USH1C: variants seen among roughly 807,000 people sequenced by gnomAD.
USH1C encodes the protein harmonin.
Under a neutral mutation model 119.3 loss-of-function variants are expected in USH1C, and 90 were observed. That is an observed-to-expected ratio of 0.75 (90% CI 0.64 to 0.90). USH1C has a LOEUF of 0.90. Ranked by LOEUF, USH1C falls within the 40% of genes least tolerant of loss-of-function variation. The pLI is 0.00. For missense variants in USH1C, 1,165 were observed against 1,167.7 expected (o/e 1.00, Z 0.03); for synonymous variants, 465 against 443.3 (o/e 1.05, Z -0.62).
At chr11:17,502,664 CT>C (rs1487918700) in intron 20 of USH1C, among the ~76,000 whole-genome samples, 1 of 152,214 alleles carries the variant, frequency 6.6e-6, no homozygotes, top group African/African-American at 2.4e-5. Flanking sequence ...GGGGACCTGG[CT>C]TGATGGGGGA....
At chr11:17,505,022 T>C (rs1388927887) in intron 19 of USH1C, among the ~76,000 whole-genome samples, 1 of 152,218 alleles carries the variant, frequency 6.6e-6, no homozygotes, top group Non-Finnish European at 1.5e-5. Context: ...GCCCTGACAT[T>C]TGGATAGAGT....
At chr11:17,534,369 G>T (rs1851141835) in intron 1 of USH1C, among the ~76,000 whole-genome samples, 2 of 152,216 alleles carry the variant, frequency 1.3e-5, no homozygotes, top group Non-Finnish European at 2.9e-5. Flanking sequence ...CCCAGCCCTT[G>T]GGATTTCTGG....
At chr11:17,500,775 G>A (rs948042885) in intron 23 of USH1C, among the ~76,000 whole-genome samples, 1 of 152,160 alleles carries the variant, frequency 6.6e-6, no homozygotes, top group Admixed American at 6.5e-5. Flanking sequence ...ACCATGCTGT[G>A]ACTTTCAGTA....
chr11:17,527,537 C>T (rs899344760), intron 4 of USH1C, among the ~76,000 whole-genome samples: 22 of 151,780 alleles, frequency 1.4e-4, no homozygotes, highest in African/African-American at 3.2e-4. Flanking sequence ...GCAGTCTTGT[C>T]GCCCCATTTT....
chr11:17,495,521 G>A, intron 26 of USH1C, 48 bp downstream of exon 26: 1 of 1,586,016 alleles, frequency 6.3e-7, no homozygotes, highest in Non-Finnish European at 8.7e-7. Flanking sequence ...GATGGCCACT[G>A]CAAGCAGCAG....
At chr11:17,509,251 T>C in intron 18 of USH1C, 105 bp downstream of exon 18, 2 of 1,436,038 alleles carry the variant, frequency 1.4e-6, no homozygotes, top group Non-Finnish European at 9.2e-7. Context: ...GGTGAGATGA[T>C]GTTTCTTTCT....
intron 1 of USH1C, among the ~76,000 whole-genome samples, chr11:17,538,511 T>G (rs925167426): frequency 1.3e-5 from 2 of 152,114 alleles, no homozygotes; most frequent in African/African-American, 2.4e-5. Flanking sequence ...CAGAACAAAT[T>G]AAATAATGCA....
intron 15 of USH1C, among the ~76,000 whole-genome samples, chr11:17,514,226 A>G (rs923923234): frequency 6.6e-6 from 1 of 152,094 alleles, no homozygotes; most frequent in African/African-American, 2.4e-5. Context: ...TATTATTATT[A>G]TTATTTTCTT....
At chr11:17,506,620 T>C (rs1849659994) in intron 18 of USH1C, among the ~76,000 whole-genome samples, 1 of 152,258 alleles carries the variant, frequency 6.6e-6, no homozygotes, top group Non-Finnish European at 1.5e-5. Flanking sequence ...GCCACGCTCC[T>C]CACACTGCCT....
Position 17,522,864 on chromosome 11 carries a change from C to G in USH1C, c.939G>C (p.Gln313His). The G allele has an allele frequency of 6.2e-7, 1 of 1,612,750 alleles. No individual in the cohort carries two copies. The highest frequency in any genetic ancestry group is 8.5e-7 in the Non-Finnish European group (1 of 1,179,638). ...GCTTCTGCATGAGAAGCTCCTGCCGCTGCAGCTCACGCTGCCGCGCCTCTG... is the reference window on the plus strand; with the variant it reads ...GCTTCTGCATGAGAAGCTCCTGCCGGTGCAGCTCACGCTGCCGCGCCTCTG... ...RLAEARQREL[Q>H]RQELLMQKRL... The change falls in exon 12 of 27, where the codon CAG (glutamine) becomes CAC (histidine). Residue 313 changes from glutamine to histidine, a missense_variant. Coordinates refer to ENST00000005226, the MANE Select transcript of USH1C (RefSeq NM_153676.4).
At chr11:17,543,607 C>T (rs1364924952) in intron 1 of USH1C, among the ~76,000 whole-genome samples, 2 of 152,162 alleles carry the variant, frequency 1.3e-5, no homozygotes, top group Non-Finnish European at 2.9e-5. Flanking sequence ...GAATCCCAGA[C>T]CACCAGTGAG....
chr11:17,516,445 C>T lies in USH1C; in HGVS notation c.1211-155G>A. ...CAGCAAAACTGCACCCTCTGTCCAACTCGGCTTACCTGGCCTTGCCTTGGT... is the reference window on the plus strand; with the variant it reads ...CAGCAAAACTGCACCCTCTGTCCAATTCGGCTTACCTGGCCTTGCCTTGGT... On this transcript the variant is annotated intron_variant, in intron 14 of 26. Transcript: ENST00000005226. 3 of 766,516 alleles carry T rather than the reference C, an allele frequency of 3.9e-6. No individual in the cohort carries two copies. The Admixed American group carries it at 6.1e-5, about 16-fold the overall frequency. 47.5% of individuals were successfully genotyped at this position (766,516 alleles called of 1,614,324 possible).
chr11:17,533,974 T>G, intron 1 of USH1C: 1 of 279,240 alleles, frequency 3.6e-6, no homozygotes, highest in Non-Finnish European at 7.3e-6. Flanking sequence ...CATTTCAACT[T>G]TGTTGACGTC....
At chr11:17,539,567 A>G (rs887169855) in intron 1 of USH1C, among the ~76,000 whole-genome samples, 1 of 152,234 alleles carries the variant, frequency 6.6e-6, no homozygotes, top group Non-Finnish European at 1.5e-5. Flanking sequence ...CTAAGTGACA[A>G]TAAGTGGACA....
At chr11:17,511,795 G>C in intron 16 of USH1C, 107 bp downstream of exon 16, 2 of 1,368,332 alleles carry the variant, frequency 1.5e-6, no homozygotes, top group Non-Finnish European at 2.0e-6. Context: ...CTCCACCCTT[G>C]TATGCCATTT....
chr11:17,530,219 T>G (rs1390068397), intron 4 of USH1C, among the ~76,000 whole-genome samples: 1 of 152,154 alleles, frequency 6.6e-6, no homozygotes, highest in African/African-American at 2.4e-5. Flanking sequence ...TTGGTGATGG[T>G]GGGAGGGCCT....
At chr11:17,499,677 C>A (rs1849365815) in intron 23 of USH1C, among the ~76,000 whole-genome samples, 1 of 152,224 alleles carries the variant, frequency 6.6e-6, no homozygotes, top group Non-Finnish European at 1.5e-5. Flanking sequence ...GCAGGTCCCC[C>A]TTCTATGGCT....
intron 14 of USH1C, among the ~76,000 whole-genome samples, chr11:17,519,012 ACT>A (rs1196142041): frequency 1.3e-5 from 2 of 148,836 alleles, no homozygotes; most frequent in Non-Finnish European, 3.0e-5. Context: ...CAAGAGCAAA[ACT>A]CTGTCTCAAG....
intron 13 of USH1C, 144 bp from the exon 14 acceptor site, chr11:17,521,138 C>G: frequency 2.4e-6 from 3 of 1,246,680 alleles, no homozygotes; most frequent in Non-Finnish European, 3.5e-6. Flanking sequence ...AGCTTGTATT[C>G]TAAATTGAGT....
Sources: gnomAD v4.1 joint callset for allele counts (sites outside exome capture counted in the v4.1 genomes callset) on GRCh38, gnomAD v4.1.1 for gene constraint, MANE v1.5 for transcripts, NCBI Gene and HGNC (gene_info 2026-07-23, HGNC 2026-07-21) for gene names.